Variants in RAB10 observed in about 807,000 individuals in gnomAD.
RAB10 encodes the protein RAB10, member RAS oncogene family.
RAB10 carries 5 observed loss-of-function variants against 25.7 expected under a neutral mutation model. The ratio of observed to expected loss-of-function variants is 0.19; its 90% confidence interval spans 0.10 to 0.41. RAB10 has a LOEUF of 0.41. RAB10 is among the 10% of genes least tolerant of loss of function. RAB10 has a pLI of 1.00. For synonymous variants in RAB10, 89 were observed against 86.4 expected (o/e 1.03, Z -0.16); for missense variants, 103 against 245.8 (o/e 0.42, Z 3.89).
intron 2 of RAB10, among the ~76,000 whole-genome samples, chr2:26,099,171 A>G (rs9332419): frequency 0.46 from 69,473 of 151,936 alleles, 17,668 homozygotes; most frequent in Non-Finnish European, 0.59. Context: ...ATTTGTCTGA[A>G]TCATAGAATT....
chr2:26,124,926 A>G (rs932385183), intron 3 of RAB10, among the ~76,000 whole-genome samples: 12 of 152,142 alleles, frequency 7.9e-5, no homozygotes, highest in African/African-American at 1.4e-4. Flanking sequence ...ACATTGTAGC[A>G]TGTGTCAGAA....
At position 26,125,076 on chromosome 2, in the gene RAB10, A is replaced by G. The variant is rs1228271122; in HGVS notation, c.328-2068A>G. 5.3e-5 allele frequency among the ~76,000 whole-genome samples: 8 copies of G among 152,160 alleles called. No individual in the cohort carries two copies. In the East Asian group the frequency reaches 1.5e-3, roughly 29 times the overall value. On this transcript the variant is annotated intron_variant, in intron 3 of 5. Coordinates refer to ENST00000264710, the MANE Select transcript of RAB10 (RefSeq NM_016131.5). ...ATAATGTTGCTGTGAACACTGGTGT[A>G]CAAATATCTGAGTCCCTGCTTTAAA...
intron 1 of RAB10, among the ~76,000 whole-genome samples, chr2:26,096,095 T>A (rs993268195): frequency 2.0e-5 from 3 of 152,192 alleles, no homozygotes; most frequent in Non-Finnish European, 2.9e-5. Flanking sequence ...CATTTCTGGA[T>A]GTTTTGTAGT....
chr2:26,084,427 T>A (rs1666934691), intron 1 of RAB10, among the ~76,000 whole-genome samples: 1 of 152,234 alleles, frequency 6.6e-6, no homozygotes. Flanking sequence ...AGCCAATTGT[T>A]AAAAAGTGAA....
At chr2:26,074,015 A>C (rs145670374) in intron 1 of RAB10, among the ~76,000 whole-genome samples, 154 of 152,302 alleles carry the variant, frequency 1.0e-3, no homozygotes, top group African/African-American at 3.5e-3. Flanking sequence ...TGCTGTGAAA[A>C]ACTGGCAACG....
chr2:26,066,189 C>G (rs1400168612), intron 1 of RAB10, among the ~76,000 whole-genome samples: 4 of 152,066 alleles, frequency 2.6e-5, no homozygotes, highest in Non-Finnish European at 4.4e-5. Context: ...GATAAACTTG[C>G]ATCAGTTGTC....
Position 26,135,202 on chromosome 2 carries a change from C to T in RAB10, c.*181C>T. ...TGCTTGCTGACTTTATCATAATTTT[C>T]TTCAAACAAAAAAATGTATAGAAAA... On this transcript the variant is annotated 3_prime_UTR_variant, in exon 6 of 6. Transcript: ENST00000264710. The T allele has an allele frequency of 4.0e-6, 2 of 505,966 alleles. No homozygotes were observed. Among genetic ancestry groups the T allele is most frequent in the Non-Finnish European group, 6.9e-6 (2 of 290,212 alleles). 31.3% of individuals were successfully genotyped at this position (505,966 alleles called of 1,614,324 possible).
At chr2:26,082,816 G>A (rs922081756) in intron 1 of RAB10, among the ~76,000 whole-genome samples, 1 of 152,044 alleles carries the variant, frequency 6.6e-6, no homozygotes, top group South Asian at 2.1e-4. Context: ...TGAACATAGA[G>A]ATTTTTTTCA....
intron 1 of RAB10, among the ~76,000 whole-genome samples, chr2:26,041,018 C>T (rs756620012): frequency 6.6e-6 from 1 of 151,452 alleles, no homozygotes; most frequent in Non-Finnish European, 1.5e-5. Context: ...ATAAGTTGCA[C>T]AAAGGCAGAA....
chr2:26,079,039 T>G (rs1666802358), intron 1 of RAB10, among the ~76,000 whole-genome samples: 1 of 152,008 alleles, frequency 6.6e-6, no homozygotes, highest in Admixed American at 6.6e-5. Flanking sequence ...ATACAAAAAT[T>G]AGCTGAGTAT....
intron 2 of RAB10, chr2:26,102,080 C>T (rs1182370175): frequency 6.6e-6 from 1 of 152,490 alleles, no homozygotes; most frequent in Non-Finnish European, 1.5e-5. Context: ...TGAAGCCTCC[C>T]AGTCTAGGGC....
chr2:26,050,384 G>A (rs1666105554), intron 1 of RAB10, among the ~76,000 whole-genome samples: 1 of 152,014 alleles, frequency 6.6e-6, no homozygotes. Flanking sequence ...TTTATTTATA[G>A]TAGCCTAGTT....
At chr2:26,130,494 T>C (rs1223484617) in intron 5 of RAB10, among the ~76,000 whole-genome samples, 2 of 151,844 alleles carry the variant, frequency 1.3e-5, no homozygotes, top group African/African-American at 4.8e-5. Flanking sequence ...TTTTTTTAAT[T>C]GATGGGGTCT....
At chr2:26,130,828 C>T (rs1461096982) in intron 5 of RAB10, among the ~76,000 whole-genome samples, 1 of 152,116 alleles carries the variant, frequency 6.6e-6, no homozygotes, top group Non-Finnish European at 1.5e-5. Flanking sequence ...CTTTGTATTT[C>T]AGACATTAAT....
intron 5 of RAB10, among the ~76,000 whole-genome samples, chr2:26,131,222 T>G (rs182392548): frequency 2.4e-4 from 36 of 152,250 alleles, no homozygotes; most frequent in African/African-American, 8.7e-4. Context: ...AGAAGAAGAA[T>G]TGTCTTGGAC....
intron 5 of RAB10, 34 bp downstream of exon 5, chr2:26,127,985 T>A: frequency 6.9e-7 from 1 of 1,459,624 alleles, no homozygotes; most frequent in Non-Finnish European, 9.6e-7. Flanking sequence ...GCCAGGTACC[T>A]GAGTATCTCT....
rs1209266618 is a variant in RAB10, at chr2:26,137,157, A to G, written c.*2136A>G. On this transcript the variant is annotated 3_prime_UTR_variant, in exon 6 of 6. Coordinates refer to ENST00000264710, the MANE Select transcript of RAB10 (RefSeq NM_016131.5). ...CATTGTACATAGAAAGGATATGGCTACCTTTTGTTAAATCTGCACTTTCTA... is the reference window on the plus strand; with the variant it reads ...CATTGTACATAGAAAGGATATGGCTGCCTTTTGTTAAATCTGCACTTTCTA... The G allele has an allele frequency of 6.5e-6, 1 of 152,694 alleles. No homozygotes were observed. The highest frequency in any genetic ancestry group is 1.5e-5 in the Non-Finnish European group (1 of 68,058). The allele number at this position is 152,694 out of a possible 1,614,324, so 9.5% of individuals were successfully genotyped here. A position where few individuals can be genotyped will look rare whatever the true frequency, so the allele number is the denominator to read the frequency against.
intron 3 of RAB10, among the ~76,000 whole-genome samples, chr2:26,116,704 C>T (rs1034441442): frequency 2.0e-5 from 3 of 151,658 alleles, no homozygotes; most frequent in African/African-American, 7.3e-5. Flanking sequence ...CTACAGGCAC[C>T]CGCCACCGCA....
At chr2:26,111,786 G>T (rs1051253258) in intron 3 of RAB10, among the ~76,000 whole-genome samples, 3 of 152,096 alleles carry the variant, frequency 2.0e-5, no homozygotes, top group African/African-American at 7.2e-5. Flanking sequence ...GCTATTCAAT[G>T]CTATTCTGAC....
Sources: allele counts gnomAD v4.1 joint callset (sites outside exome capture counted in the v4.1 genomes callset), GRCh38; gene constraint gnomAD v4.1.1; transcripts MANE v1.5; gene names NCBI Gene and HGNC (gene_info 2026-07-23, HGNC 2026-07-21).